LDB3: variants seen among roughly 807,000 people sequenced by gnomAD.
The protein encoded by LDB3 is LIM domain binding 3.
Under a neutral mutation model 69.0 loss-of-function variants are expected in LDB3, and 49 were observed. The ratio of observed to expected loss-of-function variants is 0.71; its 90% CI spans 0.56 to 0.90. The LOEUF is 0.90. LDB3 is among the 40% of genes least tolerant of loss of function. LDB3 has a pLI of 0.00. For missense variants in LDB3, 928 were observed against 974.1 expected, an observed-to-expected ratio of 0.95 and a Z score of 0.63; for synonymous variants, 387 against 396.2, an observed-to-expected ratio of 0.98 and a Z score of 0.28.
intron 7 of LDB3, among the ~76,000 whole-genome samples, chr10:86,698,345 G>A (rs577212166): frequency 6.6e-6 from 1 of 152,220 alleles, no homozygotes; most frequent in African/African-American, 2.4e-5. Context: ...TGAGTTGGAA[G>A]CACCGTACAG....
At chr10:86,679,333 T>C in intron 2 of LDB3, 34 bp from the exon 3 acceptor site, 1 of 1,613,952 alleles carries the variant, frequency 6.2e-7, no homozygotes, top group Non-Finnish European at 8.5e-7. Context: ...ACCACCTTCC[T>C]TATGCTCACC....
At chr10:86,683,336 G>T (rs1845267453) in intron 5 of LDB3, among the ~76,000 whole-genome samples, 1 of 152,248 alleles carries the variant, frequency 6.6e-6, no homozygotes, top group Non-Finnish European at 1.5e-5. Flanking sequence ...AGGTGGGCAT[G>T]ATTTTCCCCA....
chr10:86,680,194 C>T (rs745429414), intron 4 of LDB3, 37 bp downstream of exon 4: 35 of 1,589,550 alleles, frequency 2.2e-5, no homozygotes, highest in Non-Finnish European at 3.0e-5. Flanking sequence ...CCACTCAGCC[C>T]TGGTTCCTGG....
chr10:86,679,342 C>T, intron 2 of LDB3, 25 bp from the exon 3 acceptor site: 7 of 1,613,692 alleles, frequency 4.3e-6, no homozygotes, highest in South Asian at 1.1e-5. Context: ...CTTATGCTCA[C>T]CCCCCACCTC....
At chr10:86,719,193 T>G (rs527969145) in intron 12 of LDB3, among the ~76,000 whole-genome samples, 1 of 151,944 alleles carries the variant, frequency 6.6e-6, no homozygotes, top group East Asian at 1.9e-4. Context: ...AGCCCAGGAG[T>G]TTGACACCAG....
rs1011599169 is a variant in LDB3 at position 86,718,180 on chromosome 10, C to T, written c.1857+36C>T. On this transcript the variant is annotated intron_variant, in intron 11 of 13. Coordinates refer to ENST00000361373, the MANE Select transcript of LDB3 (RefSeq NM_007078.3). ...GGCCTCCATTTCCTCTGACCCATGT[C>T]TCTTCCCCAGCCCTTCCCCAAGATC... 9 of 1,596,724 alleles carry T rather than the reference C, an allele frequency of 5.6e-6. No individual in the cohort carries two copies. In the African/African-American group the frequency reaches 9.4e-5, roughly 17 times the overall value.
At chr10:86,721,177 T>A (rs937098366) in intron 12 of LDB3, among the ~76,000 whole-genome samples, 2 of 152,244 alleles carry the variant, frequency 1.3e-5, no homozygotes, top group African/African-American at 4.8e-5. Flanking sequence ...TGCACTGTGT[T>A]ACAAACCCAT....
At position 86,727,511 on chromosome 10, in the gene LDB3, C is replaced by A. The variant is rs1847296950; in HGVS notation, c.2094+1259C>A. Among the ~76,000 whole-genome samples the A allele has an allele frequency of 2.0e-5, 3 of 152,218 alleles. No homozygotes were observed. In the South Asian group the frequency reaches 6.2e-4, roughly 31 times the overall value. On this transcript the variant is annotated intron_variant, in intron 13 of 13. Coordinates refer to ENST00000361373, the MANE Select transcript of LDB3 (RefSeq NM_007078.3). The stretch of plus-strand genomic sequence containing the variant: ...TGGTTCCACACTTCGCTTCCATACC[C>A]CGCCATCTGTGGGACACACTGTATT...
At chr10:86,706,423 C>T (rs1461404305) in intron 7 of LDB3, 108 bp from the exon 8 acceptor site, 1 of 1,222,428 alleles carries the variant, frequency 8.2e-7, no homozygotes, top group Admixed American at 1.7e-5. Flanking sequence ...GCAGGTGGAG[C>T]TTTCTGCCCA....
chr10:86,734,978 G>C lies in LDB3; in HGVS notation c.*2002G>C, dbSNP rs183197430. The C allele has an allele frequency of 7.5e-6, 1 of 133,234 alleles. No homozygotes were observed. The highest frequency in any genetic ancestry group is 2.3e-4 in the East Asian group (1 of 4,440). 8.3% of individuals were successfully genotyped at this position (133,234 alleles called of 1,614,324 possible). On this transcript the variant is annotated 3_prime_UTR_variant, in exon 14 of 14. Transcript: ENST00000361373. ...AAAACTATCTATTCAATTATCAGGGGCTGGTCTTGAGGAAGGAAAAAAAAA... is the reference window on the plus strand; with the variant it reads ...AAAACTATCTATTCAATTATCAGGGCCTGGTCTTGAGGAAGGAAAAAAAAA...
intron 9 of LDB3, among the ~76,000 whole-genome samples, chr10:86,711,036 C>T (rs999615523): frequency 3.3e-5 from 5 of 152,170 alleles, no homozygotes; most frequent in Non-Finnish European, 7.4e-5. Context: ...CTCCGCAGGG[C>T]GAGGTGGCAT....
intron 5 of LDB3, 70 bp downstream of exon 5, chr10:86,681,873 C>G: frequency 6.8e-7 from 1 of 1,473,800 alleles, no homozygotes; most frequent in Non-Finnish European, 9.1e-7. Flanking sequence ...CGGCAGAGAC[C>G]TGGTCAGGTG....
intron 5 of LDB3, among the ~76,000 whole-genome samples, chr10:86,686,332 C>T (rs1034289828): frequency 1.4e-4 from 21 of 152,152 alleles, no homozygotes; most frequent in African/African-American, 4.3e-4. Context: ...AGCCGCTTTT[C>T]ACCTTTGGGG....
At chr10:86,681,175 G>T (rs1329414751) in intron 4 of LDB3, among the ~76,000 whole-genome samples, 2 of 152,268 alleles carry the variant, frequency 1.3e-5, no homozygotes, top group Admixed American at 6.5e-5. Context: ...GGCCCTGGGG[G>T]CAGGAAGCTT....
chr10:86,732,947 A>G lies in LDB3; in HGVS notation c.2155A>G (p.Lys719Glu), dbSNP rs397517220. ...CTCCAAGAAGGACAGACCCCTGTGCAAGAAGCACGCACACACCATCAACTT... is the reference window on the plus strand; with the variant it reads ...CTCCAAGAAGGACAGACCCCTGTGCGAGAAGCACGCACACACCATCAACTT... ...FYSKKDRPLCKKHAHTINL is the reference protein window; with the variant it reads ...FYSKKDRPLCEKHAHTINL The change falls in exon 14 of 14, where the codon AAG becomes GAG. Residue 719 changes from lysine to glutamate, a missense_variant. Lys to Glu is a moderately conservative substitution (Grantham distance 56). Coordinates refer to ENST00000361373, the MANE Select transcript of LDB3 (RefSeq NM_007078.3). 1.2e-6 allele frequency: 2 copies of G among 1,613,944 alleles called. No individual in the cohort carries two copies. The highest frequency in any genetic ancestry group is 1.7e-4 in the Middle Eastern group (1 of 6,050).
chr10:86,735,999 T>A lies in LDB3; in HGVS notation c.*3023T>A, dbSNP rs922575234. ...AAGGTGTGCACAAAAATATTTTGCA[T>A]GTGTTTTTTTTTTTGCCTGTGTGAA... On this transcript the variant is annotated 3_prime_UTR_variant, in exon 14 of 14. Transcript: ENST00000361373. The A allele has an allele frequency of 2.0e-5, 3 of 151,858 alleles. No homozygotes were observed. Among genetic ancestry groups the A allele is most frequent in the African/African-American group, 4.8e-5 (2 of 41,366 alleles). 9.4% of individuals were successfully genotyped at this position (151,858 alleles called of 1,614,324 possible).
intron 2 of LDB3, among the ~76,000 whole-genome samples, chr10:86,670,919 G>T (rs1191464915): frequency 6.6e-6 from 1 of 152,226 alleles, no homozygotes; most frequent in East Asian, 1.9e-4. Flanking sequence ...AGTGCCGCTG[G>T]CAGGGCAGGC....
Position 86,670,686 on chromosome 10 carries a change from G to A in LDB3, c.93+1902G>A, listed in dbSNP as rs374631044. Among the ~76,000 whole-genome samples, 6 of 152,336 alleles carry A rather than the reference G, an allele frequency of 3.9e-5. No homozygotes were observed. The East Asian group carries it at 5.8e-4, about 15-fold the overall frequency. ...GGGAGGGGGTATGCAGGGATGTGCT[G>A]GATCCAATGACTGTGGGGACTTCTA... On this transcript the variant is annotated intron_variant, in intron 2 of 13. Coordinates refer to ENST00000361373, the MANE Select transcript of LDB3 (RefSeq NM_007078.3).
chr10:86,666,871 G>A, upstream of LDB3: 1 of 470,104 alleles, frequency 2.1e-6, no homozygotes. Flanking sequence ...CCAGCTCCCT[G>A]GCCCTGAGGG....
Sources: gnomAD v4.1 joint callset for allele counts (sites outside exome capture counted in the v4.1 genomes callset) on GRCh38, gnomAD v4.1.1 for gene constraint, MANE v1.5 for transcripts, NCBI Gene and HGNC (gene_info 2026-07-23, HGNC 2026-07-21) for gene names.